The following HSD17B2 variants were observed in gnomAD, a reference collection of about 807,000 sequenced individuals.
HSD17B2 encodes hydroxysteroid 17-beta dehydrogenase 2.
A neutral mutation model predicts 26.9 loss-of-function variants in HSD17B2; 32 were observed. The ratio of observed to expected loss-of-function variants is 1.19; its 90% CI spans 0.90 to 1.60. The LOEUF (loss-of-function observed/expected upper bound fraction) is 1.60. Among genes scored for constraint, HSD17B2 ranks in the 40% most tolerant of loss-of-function variants. HSD17B2 has a pLI of 0.00. For missense variants in HSD17B2, 613 were observed against 468.6 expected (o/e 1.31, Z -2.85); for synonymous variants, 246 against 186.7 (o/e 1.32, Z -2.59).
chr16:82,095,932 A>C (rs1904825801), intron 4 of HSD17B2: 2 of 152,340 alleles, frequency 1.3e-5, no homozygotes, highest in South Asian at 4.1e-4. Flanking sequence ...GGGCACACAA[A>C]ACTGTTAGTT....
At chr16:82,067,100 C>A (rs574264709) in intron 1 of HSD17B2, among the ~76,000 whole-genome samples, 1 of 152,280 alleles carries the variant, frequency 6.6e-6, no homozygotes, top group East Asian at 1.9e-4. Flanking sequence ...TTTCAGGCCC[C>A]TGTTGTTAGC....
chr16:82,061,165 A>G (rs1304977968), intron 1 of HSD17B2, among the ~76,000 whole-genome samples: 4 of 151,986 alleles, frequency 2.6e-5, no homozygotes, highest in African/African-American at 9.7e-5. Flanking sequence ...AGGCTGAGGC[A>G]AAGAATTGCT....
At chr16:82,063,552 A>G (rs1914500992) in intron 1 of HSD17B2, among the ~76,000 whole-genome samples, 1 of 152,204 alleles carries the variant, frequency 6.6e-6, no homozygotes, top group Non-Finnish European at 1.5e-5. Context: ...GCCAAACAAA[A>G]AAAAACCTCA....
chr16:82,077,932 G>A (rs1904311268), intron 3 of HSD17B2, among the ~76,000 whole-genome samples: 1 of 152,122 alleles, frequency 6.6e-6, no homozygotes, highest in South Asian at 2.1e-4. Flanking sequence ...ACCTCAAACT[G>A]TGAAACTATT....
chr16:82,061,748 T>C (rs8191120), intron 1 of HSD17B2, among the ~76,000 whole-genome samples: 2,577 of 152,382 alleles, frequency 0.017, 86 homozygotes, highest in African/African-American at 0.059. Context: ...GGTGAGATTA[T>C]GGAGAATACC....
chr16:82,058,398 A>G (rs1370379825), intron 1 of HSD17B2, among the ~76,000 whole-genome samples: 1 of 152,158 alleles, frequency 6.6e-6, no homozygotes, highest in Non-Finnish European at 1.5e-5. Flanking sequence ...GGGAAACTGT[A>G]TGCGAAGTAT....
chr16:82,065,089 G>A (rs1046429010), intron 1 of HSD17B2, among the ~76,000 whole-genome samples: 1 of 152,166 alleles, frequency 6.6e-6, no homozygotes, highest in African/African-American at 2.4e-5. Context: ...GGGGAAGCTG[G>A]GAAGCTCTCA....
chr16:82,065,463 A>C (rs1015431840), intron 1 of HSD17B2, among the ~76,000 whole-genome samples: 1 of 152,188 alleles, frequency 6.6e-6, no homozygotes, highest in African/African-American at 2.4e-5. Flanking sequence ...TCTAGGGGGA[A>C]CTGGGGGCTT....
At chr16:82,090,764 T>A (rs1904667862) in intron 3 of HSD17B2, 138 bp from the exon 4 acceptor site, 1 of 754,918 alleles carries the variant, frequency 1.3e-6, no homozygotes, top group South Asian at 1.9e-5. Context: ...TCACCTGGGC[T>A]CAGGGGGCCT....
intron 3 of HSD17B2, among the ~76,000 whole-genome samples, chr16:82,073,269 G>A (rs1445408108): frequency 6.6e-6 from 1 of 151,416 alleles, no homozygotes; most frequent in East Asian, 2.0e-4. Flanking sequence ...CTGTCGCCCA[G>A]GCTGGAGTGC....
intron 1 of HSD17B2, 36 bp downstream of exon 1, chr16:82,035,725 T>G: frequency 6.3e-7 from 1 of 1,599,410 alleles, no homozygotes; most frequent in Non-Finnish European, 8.5e-7. Flanking sequence ...ACTGAGGGTA[T>G]GATCTGAAAC....
At chr16:82,078,746 T>C (rs1346876888) in intron 3 of HSD17B2, among the ~76,000 whole-genome samples, 1 of 152,222 alleles carries the variant, frequency 6.6e-6, no homozygotes, top group Non-Finnish European at 1.5e-5. Flanking sequence ...GAAGTCATTA[T>C]GTTAAGTGAA....
chr16:82,055,439 T>C (rs1341864242), intron 1 of HSD17B2, among the ~76,000 whole-genome samples: 1 of 152,222 alleles, frequency 6.6e-6, no homozygotes. Context: ...TGGTTTTATA[T>C]GTTGCCGTGT....
chr16:82,059,218 T>C (rs1215308144), intron 1 of HSD17B2, among the ~76,000 whole-genome samples: 3 of 152,254 alleles, frequency 2.0e-5, no homozygotes, highest in Non-Finnish European at 4.4e-5. Context: ...GCATCTTCTC[T>C]CTAGACCAGG....
At chr16:82,036,737 T>C (rs540188599) in intron 1 of HSD17B2, among the ~76,000 whole-genome samples, 42 of 152,290 alleles carry the variant, frequency 2.8e-4, no homozygotes, top group Admixed American at 9.2e-4. Flanking sequence ...TTTAAATTAA[T>C]TTTTGAAAGT....
intron 1 of HSD17B2, among the ~76,000 whole-genome samples, chr16:82,060,733 G>A (rs1490859021): frequency 6.6e-6 from 1 of 152,150 alleles, no homozygotes; most frequent in African/African-American, 2.4e-5. Flanking sequence ...AACCCCGTAA[G>A]CACCTCCACC....
intron 1 of HSD17B2, among the ~76,000 whole-genome samples, chr16:82,066,094 T>C (rs1914565133): frequency 6.6e-6 from 1 of 152,228 alleles, no homozygotes; most frequent in African/African-American, 2.4e-5. Context: ...AAAATGGTTA[T>C]ACACATATAT....
chr16:82,035,306 G>A lies in HSD17B2; in HGVS notation c.-119G>A. 1 of 869,366 alleles carries A rather than the reference G, an allele frequency of 1.2e-6. No individual in the cohort carries two copies. Among genetic ancestry groups the A allele is most frequent in the Non-Finnish European group, 1.8e-6 (1 of 560,214 alleles). The allele number at this position is 869,366 out of a possible 1,614,324, so 53.9% of individuals were successfully genotyped here. A position where few individuals can be genotyped will look rare whatever the true frequency, so the allele number is the denominator to read the frequency against. ...CTATGCTCAGTTGAAAGGGGCTGGG[G>A]CTGCTTTCTCCCCTCCCTTCTTGAC... On this transcript the variant is annotated 5_prime_UTR_variant, in exon 1 of 5. Transcript: ENST00000199936.
intron 1 of HSD17B2, among the ~76,000 whole-genome samples, chr16:82,047,702 G>C (rs1249048974): frequency 6.6e-6 from 1 of 152,214 alleles, no homozygotes; most frequent in Non-Finnish European, 1.5e-5. Flanking sequence ...ATTGGACCTA[G>C]GCAGAGAAGA....
Sources: gnomAD v4.1 joint callset for allele counts (sites outside exome capture counted in the v4.1 genomes callset) on GRCh38, gnomAD v4.1.1 for gene constraint, MANE v1.5 for transcripts, NCBI Gene and HGNC (gene_info 2026-07-23, HGNC 2026-07-21) for gene names.